Variants in DYNLT2 observed in about 807,000 individuals in gnomAD.
DYNLT2 encodes the protein dynein light chain Tctex-type protein 2.
In DYNLT2, 24 loss-of-function variants were observed where a neutral mutation model predicts 24.3. The ratio of observed to expected loss-of-function variants is 0.99; its 90% CI spans 0.71 to 1.39. DYNLT2 has a LOEUF of 1.39. DYNLT2 is among the 40% of genes most tolerant of loss of function. The pLI is 0.00. For missense variants in DYNLT2, 246 were observed against 234.5 expected (o/e 1.05, Z -0.32); for synonymous variants, 85 against 85.4 (o/e 1.00, Z 0.03).
rs1460489916 is a variant in DYNLT2 at position 169,744,099 on chromosome 6, G to C, written c.296C>G (p.Ser99Ter). 1 of 1,612,652 alleles carries C rather than the reference G, an allele frequency of 6.2e-7. No homozygotes were observed. The highest frequency in any genetic ancestry group is 8.5e-7 in the Non-Finnish European group (1 of 1,179,946). The change falls in exon 2 of 4, where the codon TCA becomes TGA. Residue 99 changes from serine (S) to a stop codon, truncating the protein, a stop_gained. Transcript: ENST00000366774. LOFTEE classifies it high-confidence loss of function. ...TATCTGCTGGACTTTAGTTTCTACT[G>C]AATGAGCTTGGAATTTCTTCAATGG... is the stretch of plus-strand genomic sequence containing the variant. ...MEPLKKFQAH[S>*]VETKVQQILT...
the DYNLT2 span, among the ~76,000 whole-genome samples, chr6:169,726,867 A>G: frequency 6.6e-6 from 1 of 152,206 alleles, no homozygotes; most frequent in Admixed American, 6.5e-5. Flanking sequence ...AGGCCCTGGA[A>G]ATACTGATAA....
At chr6:169,727,228 T>G in the DYNLT2 span, among the ~76,000 whole-genome samples, 41 of 152,324 alleles carry the variant, frequency 2.7e-4, no homozygotes, top group African/African-American at 9.4e-4. Context: ...AGCCTAGGAA[T>G]TGGAGCCAGA....
intron 2 of DYNLT2, 36 bp downstream of exon 2, chr6:169,744,032 A>C: frequency 6.3e-7 from 1 of 1,585,022 alleles, no homozygotes; most frequent in South Asian, 1.1e-5. Context: ...TAGAACCCTC[A>C]TACAATACTG....
In DYNLT2 at chr6:169,744,675, C is replaced by T. The variant is rs530638705; in HGVS notation, c.121-401G>A. ...CTGAGATTATGAAAATATTATCCTT[C>T]ATTGTCTTAAAATTTTATTTTACTT... On this transcript the variant is annotated intron_variant, in intron 1 of 3. Coordinates refer to ENST00000366774, the MANE Select transcript of DYNLT2 (RefSeq NM_174910.3). Among the ~76,000 whole-genome samples the T allele has an allele frequency of 7.0e-4, 106 of 152,242 alleles. 1 individual carries two copies. Among genetic ancestry groups the T allele is most frequent in the Admixed American group, 1.3e-3 (20 of 15,290 alleles).
At chr6:169,730,670 G>A in the DYNLT2 span, among the ~76,000 whole-genome samples, 3 of 152,234 alleles carry the variant, frequency 2.0e-5, no homozygotes, top group Middle Eastern at 6.8e-3. Flanking sequence ...CGAGGCGGGC[G>A]GATGGATCAC....
At chr6:169,745,537 T>C (rs1022553366) in intron 1 of DYNLT2, among the ~76,000 whole-genome samples, 1 of 99,950 alleles carries the variant, frequency 1.0e-5, no homozygotes, top group African/African-American at 3.3e-5. Flanking sequence ...AGATTTATCA[T>C]GTGGTTTATT....
chr6:169,746,777 G>A (rs142462919), intron 1 of DYNLT2, among the ~76,000 whole-genome samples: 38 of 152,058 alleles, frequency 2.5e-4, no homozygotes, highest in African/African-American at 4.3e-4. Context: ...ATGTATTAAC[G>A]GAGAGGAAGC....
intron 2 of DYNLT2, 23 bp from the exon 3 acceptor site, chr6:169,743,261 T>C (rs756305578): frequency 7.2e-7 from 1 of 1,397,876 alleles, no homozygotes. Flanking sequence ...TTAAGAAAAA[T>C]ACTTTTATTT....
chr6:169,731,872 G>C, the DYNLT2 span, among the ~76,000 whole-genome samples: 1 of 152,058 alleles, frequency 6.6e-6, no homozygotes, highest in African/African-American at 2.4e-5. Context: ...GACCTAATAA[G>C]AATAAGTGTG....
At position 169,742,319 on chromosome 6, in the gene DYNLT2, C is replaced by G. The variant is rs116545652; in HGVS notation, c.486+761G>C. ...CCACAGCCAGCAAGTGTGGCAGAGG[C>G]AATCTGACTCCAAAACCCAGGCTGT... On this transcript the variant is annotated intron_variant, in intron 3 of 3. Transcript: ENST00000366774. Among the ~76,000 whole-genome samples, 1,016 of 152,250 alleles carry G rather than the reference C, an allele frequency of 6.7e-3. 21 individuals are homozygous for G. The highest frequency in any genetic ancestry group is 0.024 in the African/African-American group (986 of 41,550).
At position 169,742,947 on chromosome 6, in the gene DYNLT2, C is replaced by G. The variant is rs1789711308; in HGVS notation, c.486+133G>C. ...ACAGTGAAATAAATATACTTAACAACATGATACTTTCCTTCAAAAAGTACC... is the reference window on the plus strand; with the variant it reads ...ACAGTGAAATAAATATACTTAACAAGATGATACTTTCCTTCAAAAAGTACC... On this transcript the variant is annotated intron_variant, in intron 3 of 3. Transcript: ENST00000366774. 4.1e-6 allele frequency: 3 copies of G among 724,356 alleles called. No individual in the cohort carries two copies. In the East Asian group the frequency reaches 8.8e-5, roughly 21 times the overall value. The allele number at this position is 724,356 out of a possible 1,614,324, so 44.9% of individuals were successfully genotyped here. A position where few individuals can be genotyped will look rare whatever the true frequency, so the allele number is the denominator to read the frequency against.
At chr6:169,746,098 A>C (rs1477028646) in intron 1 of DYNLT2, among the ~76,000 whole-genome samples, 2 of 152,196 alleles carry the variant, frequency 1.3e-5, no homozygotes, top group African/African-American at 2.4e-5. Context: ...TATAGTGTTC[A>C]TGTAATTTCT....
chr6:169,751,199 T>G lies in DYNLT2; in HGVS notation c.120+140A>C. On this transcript the variant is annotated intron_variant, in intron 1 of 3. Coordinates refer to ENST00000366774, the MANE Select transcript of DYNLT2 (RefSeq NM_174910.3). ...CAGTCTCAGGCTTCAATTTCGCATC[T>G]GGGGAAAAAAGAAACACAAAAGGGA... 36 of 1,339,818 alleles carry G rather than the reference T, an allele frequency of 2.7e-5. 1 individual carries two copies. The highest frequency in any genetic ancestry group is 3.5e-5 in the Non-Finnish European group (35 of 990,568). 83.0% of individuals were successfully genotyped at this position (1,339,818 alleles called of 1,614,324 possible).
chr6:169,735,342 G>T (rs1016299972), downstream of DYNLT2, among the ~76,000 whole-genome samples: 1 of 151,944 alleles, frequency 6.6e-6, no homozygotes, highest in African/African-American at 2.4e-5. Context: ...GGATTAGTTT[G>T]CTCTTGCCTC....
chr6:169,745,755 C>A (rs1789783152), intron 1 of DYNLT2, among the ~76,000 whole-genome samples: 1 of 152,086 alleles, frequency 6.6e-6, no homozygotes. Context: ...GCATCTTTGT[C>A]TGCCTTTGGT....
chr6:169,725,925 G>A, the DYNLT2 span: 1 of 152,244 alleles, frequency 6.6e-6, no homozygotes, highest in African/African-American at 2.4e-5. Flanking sequence ...CTTTGTTACT[G>A]ATCTTTGTAG....
chr6:169,740,735 CCTTTT>C (rs1335403442), intron 3 of DYNLT2, among the ~76,000 whole-genome samples: 2 of 152,122 alleles, frequency 1.3e-5, no homozygotes, highest in Non-Finnish European at 2.9e-5. Flanking sequence ...AATTCTAACT[CCTTTT>C]CTCTGTGTAC....
downstream of DYNLT2, among the ~76,000 whole-genome samples, chr6:169,736,002 CTCT>C (rs776688689): frequency 1.3e-5 from 2 of 152,144 alleles, no homozygotes; most frequent in East Asian, 1.9e-4. Flanking sequence ...GAATAGTTAG[CTCT>C]TCTTGTTGAA....
intron 1 of DYNLT2, among the ~76,000 whole-genome samples, chr6:169,745,443 G>A (rs1789775598): frequency 6.6e-6 from 1 of 152,162 alleles, no homozygotes; most frequent in Non-Finnish European, 1.5e-5. Flanking sequence ...TTAGGTTGAA[G>A]TAGTTTCCTC....
Sources: allele counts gnomAD v4.1 joint callset (sites outside exome capture counted in the v4.1 genomes callset), GRCh38; gene constraint gnomAD v4.1.1; transcripts MANE v1.5; gene names NCBI Gene and HGNC (gene_info 2026-07-23, HGNC 2026-07-21).